PPP2R2B: variants seen among roughly 807,000 people sequenced by gnomAD.
PPP2R2B encodes protein phosphatase 2 regulatory subunit Bbeta.
PPP2R2B carries 5 observed loss-of-function variants against 46.0 expected under a neutral mutation model. The observed-to-expected ratio is 0.11, with a 90% CI of 0.06 to 0.23. The LOEUF (loss-of-function observed/expected upper bound fraction) is 0.23. Among genes scored for constraint, PPP2R2B ranks in the 10% least tolerant of loss-of-function variants. The pLI, the probability that PPP2R2B is intolerant of heterozygous loss-of-function variation, is 1.00. For synonymous variants in PPP2R2B, 215 were observed against 206.7 expected (o/e 1.04, Z -0.34); for missense variants, 367 against 575.0 (o/e 0.64, Z 3.70).
chr5:146,806,382 A>C (rs1757178697), intron 2 of PPP2R2B, among the ~76,000 whole-genome samples: 1 of 152,182 alleles, frequency 6.6e-6, no homozygotes, highest in Non-Finnish European at 1.5e-5. Context: ...GTTGCCTAGG[A>C]CTAAAACATA....
At chr5:146,921,779 G>A (rs1763616985) in intron 1 of PPP2R2B, among the ~76,000 whole-genome samples, 1 of 152,048 alleles carries the variant, frequency 6.6e-6, no homozygotes, top group Non-Finnish European at 1.5e-5. Flanking sequence ...TCCTCCCCTA[G>A]AAAGGCATCT....
At chr5:146,905,609 C>T (rs1762970794) in intron 1 of PPP2R2B, among the ~76,000 whole-genome samples, 1 of 152,014 alleles carries the variant, frequency 6.6e-6, no homozygotes, top group Non-Finnish European at 1.5e-5. Context: ...GCCCAACTGC[C>T]CACCAACTAG....
intron 2 of PPP2R2B, among the ~76,000 whole-genome samples, chr5:146,736,232 C>A (rs1382212955): frequency 3.9e-5 from 6 of 152,132 alleles, no homozygotes; most frequent in African/African-American, 1.4e-4. Flanking sequence ...CTGAGGCCTC[C>A]CCAGCCATAC....
intron 1 of PPP2R2B, among the ~76,000 whole-genome samples, chr5:147,050,869 G>C (rs1201649275): frequency 6.0e-5 from 9 of 149,536 alleles, no homozygotes; most frequent in Admixed American, 6.0e-4. Context: ...ATGCTTCCGG[G>C]TGTCACTGGA....
chr5:146,949,219 A>G (rs1359053540), intron 1 of PPP2R2B, among the ~76,000 whole-genome samples: 1 of 152,100 alleles, frequency 6.6e-6, no homozygotes, highest in Non-Finnish European at 1.5e-5. Context: ...GACAACCAAC[A>G]TAATGGGAGA....
intron 6 of PPP2R2B, among the ~76,000 whole-genome samples, chr5:146,643,575 T>C (rs1581778549): frequency 1.3e-5 from 2 of 152,210 alleles, no homozygotes; most frequent in East Asian, 3.9e-4. Context: ...CACAATGGAC[T>C]TTGGGGACTC....
intron 5 of PPP2R2B, among the ~76,000 whole-genome samples, chr5:146,651,175 G>A (rs1775931414): frequency 6.6e-6 from 1 of 152,010 alleles, no homozygotes; most frequent in Non-Finnish European, 1.5e-5. Context: ...GGCTTTGGAA[G>A]CTATACCCCT....
In PPP2R2B at chr5:146,600,391, A is replaced by G; in HGVS notation, c.860T>C (p.Val287Ala). Residue 287 changes from valine to alanine, a missense_variant, in exon 8 of 10, where the codon GTG becomes GCG. Val to Ala is a moderately conservative substitution (Grantham distance 64). This residue lies in a region of PPP2R2B where 361 missense variants were observed against 545.5 expected (regional missense o/e 0.66). Transcript: ENST00000394411. ...FSEIISSISDVKFSHSGRYIM... is the reference protein window; with the variant it reads ...FSEIISSISDAKFSHSGRYIM... ...ATACCTCCCACTGTGGCTGAACTTCACATCCGAAATCGAAGAGATAATTTC... is the reference window on the plus strand; with the variant it reads ...ATACCTCCCACTGTGGCTGAACTTCGCATCCGAAATCGAAGAGATAATTTC... 6.2e-7 allele frequency: 1 copy of G among 1,614,012 alleles called. No individual in the cohort carries two copies. The highest frequency in any genetic ancestry group is 8.5e-7 in the Non-Finnish European group (1 of 1,179,938).
chr5:146,625,701 A>C (rs1257419869), intron 7 of PPP2R2B, among the ~76,000 whole-genome samples: 1 of 152,206 alleles, frequency 6.6e-6, no homozygotes, highest in Admixed American at 6.5e-5. Flanking sequence ...TGGCTCCCCA[A>C]GGATGTCAAA....
At chr5:146,718,076 C>T (rs1428772916) in intron 2 of PPP2R2B, among the ~76,000 whole-genome samples, 4 of 152,022 alleles carry the variant, frequency 2.6e-5, no homozygotes, top group Non-Finnish European at 4.4e-5. Flanking sequence ...TGTAAGACTA[C>T]ATAATTCACA....
At chr5:146,951,303 T>TTAAGATA (rs1256374589) in intron 1 of PPP2R2B, among the ~76,000 whole-genome samples, 1 of 152,042 alleles carries the variant, frequency 6.6e-6, no homozygotes, top group Admixed American at 6.6e-5. Context: ...ACCAACACAG[T>TTAAGATA]TAAGATATAG....
chr5:146,961,946 A>G (rs370408747), intron 1 of PPP2R2B, among the ~76,000 whole-genome samples: 2 of 151,972 alleles, frequency 1.3e-5, no homozygotes, highest in East Asian at 3.9e-4. Context: ...AGAGAACAGA[A>G]TGAATTAAGG....
intron 1 of PPP2R2B, among the ~76,000 whole-genome samples, chr5:147,052,664 G>A (rs1160267085): frequency 1.3e-5 from 2 of 152,146 alleles, no homozygotes; most frequent in African/African-American, 2.4e-5. Context: ...CTGTGTGTCT[G>A]GGGACCAGGC....
intron 8 of PPP2R2B, among the ~76,000 whole-genome samples, chr5:146,596,641 C>A (rs893178524): frequency 3.3e-5 from 5 of 152,214 alleles, no homozygotes; most frequent in Non-Finnish European, 4.4e-5. Flanking sequence ...GATTCGAATC[C>A]TGTAAGGTTT....
chr5:146,874,076 C>T (rs921525950), intron 2 of PPP2R2B, among the ~76,000 whole-genome samples: 1 of 152,222 alleles, frequency 6.6e-6, no homozygotes, highest in African/African-American at 2.4e-5. Flanking sequence ...AGAGGCTGTC[C>T]TTGAACTCCC....
At chr5:146,725,812 C>G (rs913648228) in intron 2 of PPP2R2B, among the ~76,000 whole-genome samples, 4 of 152,230 alleles carry the variant, frequency 2.6e-5, no homozygotes, top group African/African-American at 9.6e-5. Flanking sequence ...TACTTACTAT[C>G]CACTATGTCC....
chr5:146,796,472 A>G (rs1300349136), intron 2 of PPP2R2B, among the ~76,000 whole-genome samples: 1 of 152,178 alleles, frequency 6.6e-6, no homozygotes, highest in Non-Finnish European at 1.5e-5. Flanking sequence ...TCTTCTTTTA[A>G]TTTACACTCA....
At position 146,912,750 on chromosome 5, in the gene PPP2R2B, G is replaced by A. The variant is rs530874890; in HGVS notation, c.79+142915C>T. On this transcript the variant is annotated intron_variant, in intron 1 of 8. Transcript: ENST00000336640. ...TCTTGAACTCCTGACCTTGTGATCC[G>A]CTCGCTTCGGCCTCCCAAAGTGCTG... Among the ~76,000 whole-genome samples, 13 of 151,944 alleles carry A rather than the reference G, an allele frequency of 8.6e-5. No individual in the cohort carries two copies. In the South Asian group the frequency reaches 2.3e-3, roughly 27 times the overall value.
At position 146,955,119 on chromosome 5, in the gene PPP2R2B, C is replaced by T. The variant is rs183591033; in HGVS notation, c.79+100546G>A. On this transcript the variant is annotated intron_variant, in intron 1 of 8. Coordinates refer to the PPP2R2B transcript ENST00000336640. ...GTGAGAGTGAAAACCATAATTTAAA[C>T]ATAAGCAGTCTTTACCAAGAGCTCA... Among the ~76,000 whole-genome samples, 119 of 152,174 alleles carry T rather than the reference C, an allele frequency of 7.8e-4. 1 individual carries two copies. In the East Asian group the frequency reaches 0.021, roughly 27 times the overall value.
Sources: gnomAD v4.1 joint callset for allele counts (sites outside exome capture counted in the v4.1 genomes callset) on GRCh38, gnomAD v4.1.1 for gene constraint, gnomAD v4.1.1 regional missense constraint, MANE v1.5 for transcripts, NCBI Gene and HGNC (gene_info 2026-07-23, HGNC 2026-07-21) for gene names.